FAM117B: variants seen among roughly 807,000 people sequenced by gnomAD.
The protein encoded by FAM117B is family with sequence similarity 117 member B, also known as protein FAM117B.
A neutral mutation model predicts 52.8 loss-of-function variants in FAM117B; 22 were observed. The observed-to-expected ratio is 0.42, with a 90% CI of 0.30 to 0.59. The LOEUF (loss-of-function observed/expected upper bound fraction) is 0.59, where lower values mean the gene tolerates loss of function less well. Among genes scored for constraint, FAM117B ranks in the 20% least tolerant of loss-of-function variants. The pLI is 0.22. For missense variants in FAM117B, 678 were observed against 802.6 expected, an observed-to-expected ratio of 0.84 and a Z score of 1.88; for synonymous variants, 309 against 324.1, an observed-to-expected ratio of 0.95 and a Z score of 0.50.
At chr2:202,666,073 T>C (rs2105763286) in intron 1 of FAM117B, among the ~76,000 whole-genome samples, 1 of 152,344 alleles carries the variant, frequency 6.6e-6, no homozygotes, top group East Asian at 1.9e-4. Context: ...GACTAAAATT[T>C]GACAGAAGAA....
intron 4 of FAM117B, among the ~76,000 whole-genome samples, chr2:202,747,443 A>G (rs775719582): frequency 2.6e-5 from 4 of 152,176 alleles, no homozygotes; most frequent in Admixed American, 6.5e-5. Flanking sequence ...GATGAAAGAA[A>G]AAAAAGGCAT....
chr2:202,721,954 T>TATAA (rs1439165597), intron 2 of FAM117B, among the ~76,000 whole-genome samples: 1 of 151,996 alleles, frequency 6.6e-6, no homozygotes, highest in Non-Finnish European at 1.5e-5. Context: ...ACATTATTCT[T>TATAA]ATAAATGAGG....
At chr2:202,697,098 C>A (rs1016991148) in intron 2 of FAM117B, among the ~76,000 whole-genome samples, 1 of 152,046 alleles carries the variant, frequency 6.6e-6, no homozygotes, top group South Asian at 2.1e-4. Context: ...AAGAAGAAAT[C>A]ATTCAGGTCT....
At position 202,641,449 on chromosome 2, in the gene FAM117B, C is replaced by T. The variant is rs370820519; in HGVS notation, c.601+5661C>T. ...TATTCCATGGTTAATAGTATGTACT[C>T]TGGAGCCAGACTGTCAGGGTTCAGA... On this transcript the variant is annotated intron_variant, in intron 1 of 7. Coordinates refer to ENST00000392238, the MANE Select transcript of FAM117B (RefSeq NM_173511.4). Among the ~76,000 whole-genome samples the T allele has an allele frequency of 1.8e-4, 28 of 152,264 alleles. No homozygotes were observed. In the South Asian group the frequency reaches 5.8e-3, roughly 32 times the overall value.
At chr2:202,680,594 C>CA (rs1690448306) in intron 1 of FAM117B, among the ~76,000 whole-genome samples, 1 of 151,884 alleles carries the variant, frequency 6.6e-6, no homozygotes, top group Non-Finnish European at 1.5e-5. Context: ...GTTTTTTAAA[C>CA]AGCTAAAGAA....
At chr2:202,653,803 C>G (rs1690010978) in intron 1 of FAM117B, among the ~76,000 whole-genome samples, 1 of 151,348 alleles carries the variant, frequency 6.6e-6, no homozygotes, top group Non-Finnish European at 1.5e-5. Context: ...TTTTTTTTGC[C>G]CTAATCATTT....
At position 202,724,993 on chromosome 2, in the gene FAM117B, C is replaced by T; in HGVS notation, c.830C>T (p.Thr277Ile). Residue 277 changes from threonine (T) to isoleucine (I), a missense_variant, in exon 3 of 8, where the codon ACA (threonine) becomes ATA (isoleucine). Around this residue, in one of 3 missense-constraint regions of FAM117B, gnomAD observed 583 missense variants for 644.8 expected, o/e 0.90. Transcript: ENST00000392238. ...SHKRSASWGS[T>I]DQLKEIAKLR... ...AAGCGCTCAGCATCTTGGGGCAGTACAGATCAACTTAAGGAGGTCAGAAAA... is the reference window on the plus strand; with the variant it reads ...AAGCGCTCAGCATCTTGGGGCAGTATAGATCAACTTAAGGAGGTCAGAAAA... 1 of 1,611,924 alleles carries T rather than the reference C, an allele frequency of 6.2e-7. No homozygotes were observed. The highest frequency in any genetic ancestry group is 1.1e-5 in the South Asian group (1 of 90,872).
At chr2:202,731,142 G>A (rs1691337956) in intron 4 of FAM117B, among the ~76,000 whole-genome samples, 1 of 151,720 alleles carries the variant, frequency 6.6e-6, no homozygotes, top group East Asian at 1.9e-4. Context: ...AATGGGCACA[G>A]GATCTGAACA....
chr2:202,709,414 C>G (rs1450763943), intron 2 of FAM117B, among the ~76,000 whole-genome samples: 5 of 152,150 alleles, frequency 3.3e-5, no homozygotes, highest in Admixed American at 3.3e-4. Flanking sequence ...ATTGGTCAGC[C>G]TGGTCTTGAA....
At chr2:202,667,353 G>A (rs904627168) in intron 1 of FAM117B, among the ~76,000 whole-genome samples, 2 of 151,916 alleles carry the variant, frequency 1.3e-5, no homozygotes, top group Non-Finnish European at 2.9e-5. Flanking sequence ...CACCCGCCTC[G>A]GCCTCCCAAA....
Position 202,716,114 on chromosome 2 carries a change from C to T in FAM117B, c.754-8803C>T, listed in dbSNP as rs370606347. Among the ~76,000 whole-genome samples, 211 of 152,200 alleles carry T rather than the reference C, an allele frequency of 1.4e-3. 1 individual carries two copies. The highest frequency in any genetic ancestry group is 4.9e-3 in the African/African-American group (205 of 41,530). ...GGGAGAGGATATCTTTTTGTTGAAT[C>T]GACACCTTTATCATTATGTAGTGAC... is the stretch of plus-strand genomic sequence containing the variant. On this transcript the variant is annotated intron_variant, in intron 2 of 7. Coordinates refer to ENST00000392238, the MANE Select transcript of FAM117B (RefSeq NM_173511.4).
At chr2:202,716,752 G>A (rs527590165) in intron 2 of FAM117B, among the ~76,000 whole-genome samples, 8 of 152,050 alleles carry the variant, frequency 5.3e-5, no homozygotes, top group African/African-American at 1.9e-4. Flanking sequence ...CAAATAAACT[G>A]TCTTCAAGCT....
chr2:202,675,088 G>C (rs1483134367), intron 1 of FAM117B, among the ~76,000 whole-genome samples: 1 of 151,660 alleles, frequency 6.6e-6, no homozygotes, highest in Non-Finnish European at 1.5e-5. Flanking sequence ...TTAAAAATTA[G>C]CCCAGGCATG....
At chr2:202,646,464 A>G (rs1689865717) in intron 1 of FAM117B, among the ~76,000 whole-genome samples, 1 of 152,168 alleles carries the variant, frequency 6.6e-6, no homozygotes, top group Admixed American at 6.5e-5. Flanking sequence ...CAGTTTCCCC[A>G]GGGAAGAGAC....
chr2:202,648,142 C>T (rs1689897149), intron 1 of FAM117B, among the ~76,000 whole-genome samples: 1 of 152,132 alleles, frequency 6.6e-6, no homozygotes, highest in Non-Finnish European at 1.5e-5. Context: ...CTGTTTGTCT[C>T]AGTTCATTCT....
At chr2:202,705,174 C>T (rs974313699) in intron 2 of FAM117B, among the ~76,000 whole-genome samples, 4 of 151,946 alleles carry the variant, frequency 2.6e-5, no homozygotes, top group East Asian at 2.0e-4. Flanking sequence ...AGTGTGGTGG[C>T]GCATGCCTGT....
intron 4 of FAM117B, among the ~76,000 whole-genome samples, chr2:202,742,395 T>A (rs916225387): frequency 1.3e-5 from 2 of 152,198 alleles, no homozygotes; most frequent in African/African-American, 4.8e-5. Context: ...TTGACTCAAG[T>A]ACATACAGAA....
chr2:202,758,801 C>T (rs986127128), intron 6 of FAM117B, among the ~76,000 whole-genome samples: 2 of 152,142 alleles, frequency 1.3e-5, no homozygotes, highest in Non-Finnish European at 2.9e-5. Flanking sequence ...GTTTGGCATC[C>T]GGTAGCTCTC....
At chr2:202,755,478 T>C in intron 4 of FAM117B, 60 bp from the exon 5 acceptor site, 1 of 1,580,886 alleles carries the variant, frequency 6.3e-7, no homozygotes, top group Non-Finnish European at 8.6e-7. Context: ...GGAATTACGC[T>C]TCAGCCTAGA....
Sources: allele counts gnomAD v4.1 joint callset (sites outside exome capture counted in the v4.1 genomes callset), GRCh38; gene constraint gnomAD v4.1.1; regional missense constraint gnomAD v4.1.1; transcripts MANE v1.5; gene names NCBI Gene and HGNC (gene_info 2026-07-23, HGNC 2026-07-21).